ALDH1A2: variants seen among roughly 807,000 people sequenced by gnomAD.
ALDH1A2 encodes retinal dehydrogenase 2.
In ALDH1A2, 27 loss-of-function variants were observed where a neutral mutation model predicts 60.3. That is an observed-to-expected ratio of 0.45 (90% CI 0.33 to 0.62). The LOEUF is 0.62. Among genes scored for constraint, ALDH1A2 ranks in the 20% least tolerant of loss-of-function variants. ALDH1A2 has a pLI of 0.02. For missense variants in ALDH1A2, 581 were observed against 643.8 expected (o/e 0.90, Z 1.06); for synonymous variants, 289 against 232.4 (o/e 1.24, Z -2.21).
At chr15:58,057,920 G>A (rs1349927203) in intron 1 of ALDH1A2, 2 of 629,412 alleles carry the variant, frequency 3.2e-6, no homozygotes, top group Non-Finnish European at 4.5e-6. Context: ...AAATGACCCT[G>A]AGATAATAAA....
intron 4 of ALDH1A2, among the ~76,000 whole-genome samples, chr15:57,997,633 T>C (rs1274072798): frequency 6.6e-6 from 1 of 152,038 alleles, no homozygotes; most frequent in Non-Finnish European, 1.5e-5. Flanking sequence ...TTTATGATGC[T>C]TAGACATTTA....
At chr15:58,057,196 G>A (rs1280210602) in intron 1 of ALDH1A2, among the ~76,000 whole-genome samples, 1 of 151,816 alleles carries the variant, frequency 6.6e-6, no homozygotes, top group African/African-American at 2.4e-5. Context: ...CTAAAAATTA[G>A]GATATATTCA....
At chr15:58,013,647 G>A (rs1269562089) in intron 3 of ALDH1A2, among the ~76,000 whole-genome samples, 1 of 152,164 alleles carries the variant, frequency 6.6e-6, no homozygotes, top group Non-Finnish European at 1.5e-5. Context: ...AGCTACTCAG[G>A]AGGCTGAGGC....
intron 7 of ALDH1A2, among the ~76,000 whole-genome samples, chr15:57,966,913 A>AT (rs1822772889): frequency 6.6e-6 from 1 of 152,246 alleles, no homozygotes. Flanking sequence ...TGGAGAGCAC[A>AT]TATCACTTTA....
intron 1 of ALDH1A2, among the ~76,000 whole-genome samples, chr15:58,049,635 G>A (rs1456380165): frequency 2.0e-5 from 3 of 151,890 alleles, no homozygotes; most frequent in Non-Finnish European, 4.4e-5. Context: ...GGTAAAGATG[G>A]TGAAGGCCAT....
chr15:58,045,921 G>T (rs553988064), intron 1 of ALDH1A2, among the ~76,000 whole-genome samples: 1 of 151,888 alleles, frequency 6.6e-6, no homozygotes, highest in African/African-American at 2.4e-5. Flanking sequence ...TACTTTATTA[G>T]AGACACTCCA....
chr15:57,962,478 C>T (rs1324020899), intron 9 of ALDH1A2, among the ~76,000 whole-genome samples: 1 of 152,126 alleles, frequency 6.6e-6, no homozygotes, highest in Non-Finnish European at 1.5e-5. Flanking sequence ...GGCTAATTTA[C>T]TATTCAATGT....
At chr15:58,010,835 A>G (rs1222325255) in intron 3 of ALDH1A2, 57 bp from the exon 4 acceptor site, 2 of 1,600,852 alleles carry the variant, frequency 1.2e-6, no homozygotes, top group Admixed American at 1.7e-5. Flanking sequence ...GCGATACACT[A>G]ATTTCTAGAG....
At chr15:57,991,229 G>C (rs1449857533) in intron 7 of ALDH1A2, among the ~76,000 whole-genome samples, 1 of 152,030 alleles carries the variant, frequency 6.6e-6, no homozygotes, top group Non-Finnish European at 1.5e-5. Flanking sequence ...GTTTTTCTTA[G>C]CATCTAGCCT....
chr15:57,988,344 G>T (rs1894779622), intron 7 of ALDH1A2, among the ~76,000 whole-genome samples: 1 of 152,076 alleles, frequency 6.6e-6, no homozygotes, highest in Non-Finnish European at 1.5e-5. Flanking sequence ...ATGCAAAATA[G>T]AATAAAAAGA....
At chr15:57,978,246 A>G (rs1894342351) in intron 7 of ALDH1A2, among the ~76,000 whole-genome samples, 1 of 152,210 alleles carries the variant, frequency 6.6e-6, no homozygotes, top group Non-Finnish European at 1.5e-5. Flanking sequence ...AGGAGTGGTG[A>G]GAGAGGGCAT....
intron 7 of ALDH1A2, 95 bp from the exon 8 acceptor site, chr15:57,965,922 T>A: frequency 1.1e-6 from 1 of 931,300 alleles, no homozygotes; most frequent in Non-Finnish European, 1.7e-6. Flanking sequence ...GATGCAACAG[T>A]AACAAACCCT....
intron 1 of ALDH1A2, among the ~76,000 whole-genome samples, chr15:58,015,844 T>C (rs1262355660): frequency 6.6e-6 from 1 of 152,236 alleles, no homozygotes; most frequent in African/African-American, 2.4e-5. Context: ...TGTCCAAGCC[T>C]GAGCTAGTTA....
Position 58,057,026 on chromosome 15 carries a change from T to C in ALDH1A2, c.117+8508A>G, listed in dbSNP as rs570903619. ...AGAAATTTGGCAATCCCTAATTAAGTTGTAGATACATATACTCCATGAGCC... is the reference window on the plus strand; with the variant it reads ...AGAAATTTGGCAATCCCTAATTAAGCTGTAGATACATATACTCCATGAGCC... On this transcript the variant is annotated intron_variant, in intron 1 of 12. Coordinates refer to ENST00000249750, the MANE Select transcript of ALDH1A2 (RefSeq NM_003888.4). 8.6e-4 allele frequency among the ~76,000 whole-genome samples: 131 copies of C among 152,178 alleles called. 1 individual carries two copies. The highest frequency in any genetic ancestry group is 1.2e-3 in the Non-Finnish European group (83 of 67,972).
At chr15:58,002,519 T>C (rs116395473) in intron 4 of ALDH1A2, among the ~76,000 whole-genome samples, 95 of 152,060 alleles carry the variant, frequency 6.2e-4, no homozygotes, top group African/African-American at 2.1e-3. Context: ...GCACATCCTA[T>C]ATATTAATAT....
intron 1 of ALDH1A2, among the ~76,000 whole-genome samples, chr15:58,019,442 T>C (rs768005833): frequency 1.2e-4 from 19 of 152,228 alleles, no homozygotes; most frequent in Non-Finnish European, 2.4e-4. Flanking sequence ...AGGAAAAATG[T>C]GGGCTTTACT....
chr15:57,976,411 T>C (rs1479824378), intron 7 of ALDH1A2, among the ~76,000 whole-genome samples: 1 of 152,194 alleles, frequency 6.6e-6, no homozygotes, highest in Non-Finnish European at 1.5e-5. Flanking sequence ...TTTCTCCTAA[T>C]GTTATCCCTC....
intron 1 of ALDH1A2, among the ~76,000 whole-genome samples, chr15:58,058,564 A>G (rs1340991355): frequency 6.6e-6 from 1 of 151,948 alleles, no homozygotes; most frequent in African/African-American, 2.4e-5. Context: ...ATATATTAAA[A>G]TATAACTTTT....
chr15:58,053,538 G>A (rs190826525), intron 1 of ALDH1A2, among the ~76,000 whole-genome samples: 538 of 152,216 alleles, frequency 3.5e-3, no homozygotes, highest in Non-Finnish European at 5.4e-3. Context: ...TTGGCTAAGT[G>A]TACTTTATGT....
Sources: allele counts gnomAD v4.1 joint callset (sites outside exome capture counted in the v4.1 genomes callset), GRCh38; gene constraint gnomAD v4.1.1; transcripts MANE v1.5; gene names NCBI Gene and HGNC (gene_info 2026-07-23, HGNC 2026-07-21).